ZNF83: variants seen among roughly 807,000 people sequenced by gnomAD.
ZNF83 encodes the protein zinc finger protein 83.
For synonymous variants in ZNF83, 209 were observed against 213.0 expected, an observed-to-expected ratio of 0.98 and a Z score of 0.17; for missense variants, 552 against 629.9, an observed-to-expected ratio of 0.88 and a Z score of 1.32.
At chr19:52,686,824 C>G (rs956894929) in intron 1 of ZNF83, among the ~76,000 whole-genome samples, 3 of 152,074 alleles carry the variant, frequency 2.0e-5, no homozygotes, top group African/African-American at 7.2e-5. Context: ...TCTCTCACCT[C>G]GGTCTCCCAA....
intron 2 of ZNF83, among the ~76,000 whole-genome samples, chr19:52,621,472 T>G (rs1474665484): frequency 7.0e-6 from 1 of 143,014 alleles, no homozygotes; most frequent in Non-Finnish European, 1.5e-5. Context: ...ACTGCAGGGA[T>G]GCCTGTCTGA....
intron 2 of ZNF83, among the ~76,000 whole-genome samples, chr19:52,656,697 C>A (rs1324337037): frequency 3.3e-5 from 5 of 151,916 alleles, no homozygotes; most frequent in African/African-American, 1.2e-4. Context: ...GAAACACTGA[C>A]ACTATTAAAA....
chr19:52,661,959 G>A (rs898741219), intron 1 of ZNF83, among the ~76,000 whole-genome samples: 2 of 152,182 alleles, frequency 1.3e-5, no homozygotes, highest in Non-Finnish European at 2.9e-5. Flanking sequence ...CCTGAGACAG[G>A]AGCAACCTCA....
intron 1 of ZNF83, among the ~76,000 whole-genome samples, chr19:52,685,461 T>C (rs2061998794): frequency 6.6e-6 from 1 of 152,152 alleles, no homozygotes; most frequent in Non-Finnish European, 1.5e-5. Flanking sequence ...TGCCACTGAT[T>C]CCTGACATTT....
At chr19:52,681,208 A>C (rs1482134997) in intron 1 of ZNF83, among the ~76,000 whole-genome samples, 1 of 144,378 alleles carries the variant, frequency 6.9e-6, no homozygotes. Context: ...TCTCGAGCCC[A>C]GGAGACGGAG....
intron 2 of ZNF83, among the ~76,000 whole-genome samples, chr19:52,630,813 G>A (rs1416599544): frequency 6.6e-6 from 1 of 152,018 alleles, no homozygotes; most frequent in Admixed American, 6.6e-5. Context: ...TCACTCGCCT[G>A]TTACAGCATG....
At chr19:52,658,153 A>G (rs1042506529) in intron 2 of ZNF83, among the ~76,000 whole-genome samples, 1 of 147,748 alleles carries the variant, frequency 6.8e-6, no homozygotes, top group African/African-American at 2.5e-5. Context: ...AAAAAAAAAA[A>G]GTAGTGAATA....
At chr19:52,639,245 C>T (rs895874348), upstream of ZNF83, among the ~76,000 whole-genome samples, 4 of 151,882 alleles carry the variant, frequency 2.6e-5, no homozygotes, top group Non-Finnish European at 5.9e-5. Context: ...TGCCACCATG[C>T]CCTGCTAATT....
intron 1 of ZNF83, among the ~76,000 whole-genome samples, chr19:52,663,495 G>GT (rs1457921115): frequency 1.3e-5 from 2 of 152,150 alleles, no homozygotes; most frequent in African/African-American, 4.8e-5. Flanking sequence ...TGAGGAAAAT[G>GT]TTTACTTAGA....
In ZNF83 at chr19:52,619,139, CA is replaced by C; in HGVS notation, c.-233-4343del. ...TTACAGAAAATGAGGAGAGCGGTGA[CA>C]ACAAGGATTTAATTGTAGTGAATGT... On this transcript the variant is annotated intron_variant, in intron 2 of 2. Transcript: ENST00000301096. 3.1e-6 allele frequency: 5 copies of C among 1,611,482 alleles called. No individual in the cohort carries two copies. The South Asian group carries it at 5.5e-5, about 18-fold the overall frequency.
chr19:52,669,707 A>G (rs2147306453), intron 1 of ZNF83, among the ~76,000 whole-genome samples: 1 of 152,286 alleles, frequency 6.6e-6, no homozygotes, highest in South Asian at 2.1e-4. Context: ...GGTTCGGTAG[A>G]TGGAAAAGAA....
At chr19:52,676,666 C>T (rs1158825931) in intron 1 of ZNF83, among the ~76,000 whole-genome samples, 2 of 139,398 alleles carry the variant, frequency 1.4e-5, no homozygotes, top group South Asian at 4.5e-4. Context: ...ATGACAATGG[C>T]GGCTTTGTGG....
At position 52,671,642 on chromosome 19, in the gene ZNF83, T is replaced by C. The variant is rs547620775; in HGVS notation, c.-282-10799A>G. Among the ~76,000 whole-genome samples, 4 of 152,202 alleles carry C rather than the reference T, an allele frequency of 2.6e-5. No individual in the cohort carries two copies. In the East Asian group the frequency reaches 5.8e-4, roughly 22 times the overall value. The stretch of plus-strand genomic sequence containing the variant: ...GTACTTTGTAGAGGGGTGGTCCCAC[T>C]ATGATGCTCAGGCTAGCCTTCAACT... On this transcript the variant is annotated intron_variant, in intron 1 of 5. Coordinates refer to the ZNF83 transcript ENST00000594682.
intron 2 of ZNF83, among the ~76,000 whole-genome samples, chr19:52,626,344 TACTC>T (rs925154504): frequency 3.3e-5 from 5 of 152,218 alleles, no homozygotes; most frequent in Admixed American, 2.0e-4. Flanking sequence ...GGCCTGGACT[TACTC>T]ACTGCTGAAA....
At chr19:52,621,233 C>T (rs1401004103) in intron 2 of ZNF83, among the ~76,000 whole-genome samples, 2 of 152,216 alleles carry the variant, frequency 1.3e-5, no homozygotes, top group Non-Finnish European at 2.9e-5. Context: ...AACGTCTCAC[C>T]AATTTCAAAT....
chr19:52,638,799 C>T (rs2061240793), upstream of ZNF83, among the ~76,000 whole-genome samples: 2 of 152,138 alleles, frequency 1.3e-5, no homozygotes, highest in South Asian at 2.1e-4. Context: ...AGTGCTCAGG[C>T]CAAGGATGGG....
intron 1 of ZNF83, among the ~76,000 whole-genome samples, chr19:52,689,685 C>G (rs1422369479): frequency 3.9e-5 from 6 of 152,126 alleles, no homozygotes; most frequent in Non-Finnish European, 8.8e-5. Flanking sequence ...CACCCATCCT[C>G]TACTTTGCCA....
intron 2 of ZNF83, among the ~76,000 whole-genome samples, chr19:52,623,925 C>T (rs2060639675): frequency 1.3e-5 from 2 of 152,268 alleles, no homozygotes; most frequent in East Asian, 1.9e-4. Context: ...CCAACCTGTA[C>T]ACTCTTTTGT....
chr19:52,649,131 G>T (rs1443657449), intron 3 of ZNF83, among the ~76,000 whole-genome samples: 1 of 152,028 alleles, frequency 6.6e-6, no homozygotes, highest in African/African-American at 2.4e-5. Flanking sequence ...GGCTGACACA[G>T]GTGAGTGGTT....
Sources: allele counts gnomAD v4.1 joint callset (sites outside exome capture counted in the v4.1 genomes callset), GRCh38; gene constraint gnomAD v4.1.1; transcripts MANE v1.5; gene names NCBI Gene and HGNC (gene_info 2026-07-23, HGNC 2026-07-21).